Variants in CHCHD6 observed in about 807,000 individuals in gnomAD.
CHCHD6 encodes coiled-coil-helix-coiled-coil-helix domain containing 6, also known as MICOS complex subunit MIC25.
Under a neutral mutation model 32.3 loss-of-function variants are expected in CHCHD6, and 28 were observed. The observed-to-expected ratio is 0.87, with a 90% confidence interval of 0.64 to 1.19. CHCHD6 has a LOEUF of 1.19. CHCHD6 is among the 50% of genes most tolerant of loss of function. CHCHD6 has a pLI of 0.00. For missense variants in CHCHD6, 333 were observed against 307.0 expected (o/e 1.08, Z -0.63); for synonymous variants, 122 against 117.5 (o/e 1.04, Z -0.25).
intron 5 of CHCHD6, among the ~76,000 whole-genome samples, chr3:126,906,142 A>G (rs2078002001): frequency 6.6e-6 from 1 of 151,950 alleles, no homozygotes; most frequent in Admixed American, 6.6e-5. Context: ...TTCCCCACCC[A>G]TTGTCTCCTC....
chr3:126,737,390 G>GTATATATATA (rs60896630), intron 4 of CHCHD6, among the ~76,000 whole-genome samples: 2,031 of 132,468 alleles, frequency 0.015, 23 homozygotes, highest in Middle Eastern at 0.032. Flanking sequence ...TGATGTGTGA[G>GTATATATATA]TATATATATA....
intron 4 of CHCHD6, among the ~76,000 whole-genome samples, chr3:126,844,530 C>A (rs908190872): frequency 6.6e-5 from 10 of 152,284 alleles, no homozygotes; most frequent in African/African-American, 1.7e-4. Context: ...GCTACACCAG[C>A]TTTTTTATAC....
At chr3:126,729,069 G>C (rs1267270047) in intron 2 of CHCHD6, among the ~76,000 whole-genome samples, 1 of 152,054 alleles carries the variant, frequency 6.6e-6, no homozygotes, top group Non-Finnish European at 1.5e-5. Context: ...TGTATGGCTT[G>C]AAGCCATGAA....
At chr3:126,736,669 T>C (rs1341723289) in intron 4 of CHCHD6, among the ~76,000 whole-genome samples, 1 of 152,196 alleles carries the variant, frequency 6.6e-6, no homozygotes, top group Non-Finnish European at 1.5e-5. Flanking sequence ...CTTTCCCATC[T>C]AGTGCAGCAG....
intron 1 of CHCHD6, among the ~76,000 whole-genome samples, chr3:126,724,355 T>C (rs1309781321): frequency 6.6e-6 from 1 of 152,224 alleles, no homozygotes; most frequent in African/African-American, 2.4e-5. Context: ...CTTTTTGGTT[T>C]CCTAGTGTAT....
At chr3:126,853,390 G>A (rs191026050) in intron 5 of CHCHD6, among the ~76,000 whole-genome samples, 25 of 152,184 alleles carry the variant, frequency 1.6e-4, no homozygotes, top group Admixed American at 1.6e-3. Context: ...ATGGTTGGGA[G>A]GTTAAAAAAA....
chr3:126,733,229 G>T lies in CHCHD6; in HGVS notation c.411+7G>T, dbSNP rs1326364786. 6.2e-7 allele frequency: 1 copy of T among 1,612,300 alleles called. No individual in the cohort carries two copies. Among genetic ancestry groups the T allele is most frequent in the Admixed American group, 1.7e-5 (1 of 59,796 alleles). ...GCAGAAGTCAGTCCGGCTGGTGAGT[G>T]CAGATTTTCCCTGATCTGGCCTTCT... On this transcript the variant is annotated splice_region_variant and intron_variant, in intron 4 of 7. Coordinates refer to ENST00000290913, the MANE Select transcript of CHCHD6 (RefSeq NM_032343.3).
chr3:126,957,134 G>T (rs575485814), intron 6 of CHCHD6: 370 of 501,788 alleles, frequency 7.4e-4, no homozygotes, highest in African/African-American at 6.2e-3. Flanking sequence ...GTGTACACAG[G>T]CCCCAGTGAA....
chr3:126,848,627 A>G (rs1941370884), intron 4 of CHCHD6, among the ~76,000 whole-genome samples: 1 of 152,248 alleles, frequency 6.6e-6, no homozygotes, highest in Non-Finnish European at 1.5e-5. Context: ...GAAGCTATGT[A>G]GATGAAGAGA....
At chr3:126,955,012 G>A (rs1431760075) in intron 6 of CHCHD6, among the ~76,000 whole-genome samples, 1 of 152,228 alleles carries the variant, frequency 6.6e-6, no homozygotes, top group African/African-American at 2.4e-5. Flanking sequence ...CCTGGCCTGT[G>A]ACTTGAAAGT....
intron 4 of CHCHD6, among the ~76,000 whole-genome samples, chr3:126,788,445 C>T (rs148936640): frequency 0.016 from 2,487 of 152,228 alleles, 66 homozygotes; most frequent in African/African-American, 0.055. Flanking sequence ...GCTGTGAATC[C>T]GTCTGGTGTT....
chr3:126,766,918 T>C (rs1362674719), intron 4 of CHCHD6: 2 of 1,050,660 alleles, frequency 1.9e-6, no homozygotes, highest in Non-Finnish European at 1.5e-6. Context: ...CAGCCGGCCA[T>C]AGCCACTGAA....
intron 4 of CHCHD6, among the ~76,000 whole-genome samples, chr3:126,778,042 AC>A (rs1361732087): frequency 2.0e-5 from 3 of 152,226 alleles, no homozygotes; most frequent in Non-Finnish European, 4.4e-5. Flanking sequence ...GGTCTTTGTG[AC>A]TAGCTTCTCA....
chr3:126,733,476 A>G (rs911096499), intron 4 of CHCHD6, among the ~76,000 whole-genome samples: 1 of 152,210 alleles, frequency 6.6e-6, no homozygotes, highest in African/African-American at 2.4e-5. Context: ...AGGTCTACAC[A>G]GTAAGGGACC....
chr3:126,877,123 A>G (rs1315285563), intron 5 of CHCHD6, among the ~76,000 whole-genome samples: 1 of 152,226 alleles, frequency 6.6e-6, no homozygotes, highest in Non-Finnish European at 1.5e-5. Context: ...TTTTTCAGAA[A>G]GAAACTCAGG....
chr3:126,769,327 G>A (rs1216043722), intron 4 of CHCHD6, among the ~76,000 whole-genome samples: 1 of 152,084 alleles, frequency 6.6e-6, no homozygotes, highest in African/African-American at 2.4e-5. Flanking sequence ...TGATTCTTAG[G>A]TATGTGGCAT....
intron 4 of CHCHD6, among the ~76,000 whole-genome samples, chr3:126,773,359 C>T (rs1041190768): frequency 6.6e-6 from 1 of 152,132 alleles, no homozygotes; most frequent in Non-Finnish European, 1.5e-5. Context: ...AACAGATGCA[C>T]ACAATAATTT....
chr3:126,725,367 GC>G (rs1935483544), intron 1 of CHCHD6, among the ~76,000 whole-genome samples: 1 of 152,150 alleles, frequency 6.6e-6, no homozygotes, highest in Non-Finnish European at 1.5e-5. Context: ...TTTTTGCTGA[GC>G]AGTAGGTCTC....
intron 1 of CHCHD6, among the ~76,000 whole-genome samples, chr3:126,719,077 T>C (rs1256366975): frequency 1.3e-5 from 2 of 152,168 alleles, no homozygotes; most frequent in East Asian, 3.9e-4. Context: ...CGCAGTGACC[T>C]CCTCGTGCCC....
Sources: gnomAD v4.1 joint callset for allele counts (sites outside exome capture counted in the v4.1 genomes callset) on GRCh38, gnomAD v4.1.1 for gene constraint, MANE v1.5 for transcripts, NCBI Gene and HGNC (gene_info 2026-07-23, HGNC 2026-07-21) for gene names.